Variants in CHADL observed in about 807,000 individuals in gnomAD.
The protein encoded by CHADL is chondroadherin like.
A neutral mutation model predicts 52.1 loss-of-function variants in CHADL; 48 were observed. The observed-to-expected ratio is 0.92, with a 90% CI of 0.73 to 1.17. The LOEUF (loss-of-function observed/expected upper bound fraction) is 1.17, where lower values mean the gene tolerates loss of function less well. Among genes scored for constraint, CHADL ranks in the 50% most tolerant of loss-of-function variants. The pLI, the probability that CHADL is intolerant of heterozygous loss-of-function variation, is 0.00. For synonymous variants in CHADL, 498 were observed against 511.2 expected (o/e 0.97, Z 0.35); for missense variants, 977 against 1,035.1 (o/e 0.94, Z 0.77).
rs767586587 is a variant in CHADL, at chr22:41,235,321, G to A, written c.2086C>T (p.Arg696Trp). Residue 696 changes from arginine to tryptophan, a missense_variant, in exon 5 of 6, where the codon CGG (arginine) becomes TGG (tryptophan). Physicochemically the swap from Arg to Trp is moderately radical, Grantham distance 101. Transcript: ENST00000216241. ...LHRWLTGLNL[R>W]VGATCATPPN... ...GGGGTGGCGCAGGTGGCCCCCACCC[G>A]CAGGTTCAGCCCAGTAAGCCACCTG... 2.1e-5 allele frequency: 32 copies of A among 1,550,692 alleles called. No individual in the cohort carries two copies. The highest frequency in any genetic ancestry group is 1.2e-4 in the African/African-American group (9 of 73,052).
intron 4 of CHADL, 29 bp from the exon 5 acceptor site, chr22:41,235,372 G>A: frequency 6.5e-7 from 1 of 1,539,604 alleles, no homozygotes; most frequent in Non-Finnish European, 8.8e-7. Context: ...TGGGGAGCTA[G>A]CTGTGCTGAT....
Position 41,235,184 on chromosome 22 carries a change from C to T in CHADL, c.2223G>A (p.Arg741=), listed in dbSNP as rs2032716681. The T allele has an allele frequency of 1.3e-6, 2 of 1,551,470 alleles. No individual in the cohort carries two copies. The highest frequency in any genetic ancestry group is 2.7e-5 in the African/African-American group (2 of 73,072). The change falls in exon 5 of 6, where the codon AGG becomes AGA. Residue 741 remains arginine (R), a synonymous_variant. Transcript: ENST00000216241. ...ACTGTCTTCCTTTGATGGGGGTTCT[C>T]CTGGCACTGGGCCTGGAGGCTGGTG... ...KRTPASRPSA[R]RTPIKGRQCG...
chr22:41,230,016 G>A, intron 5 of CHADL: 1 of 739,908 alleles, frequency 1.4e-6, no homozygotes, highest in Non-Finnish European at 2.3e-6. Flanking sequence ...AGGGAAGCTG[G>A]AGGGTGAAGG....
At chr22:41,236,863 A>G (rs911076019) in intron 3 of CHADL, among the ~76,000 whole-genome samples, 1 of 152,132 alleles carries the variant, frequency 6.6e-6, no homozygotes, top group Non-Finnish European at 1.5e-5. Flanking sequence ...TTCATGGTCC[A>G]CCCCACCACC....
In CHADL at chr22:41,237,927, C is replaced by T; in HGVS notation, c.1145G>A (p.Gly382Asp). 1 of 1,278,368 alleles carries T rather than the reference C, an allele frequency of 7.8e-7. No homozygotes were observed. Among genetic ancestry groups the T allele is most frequent in the South Asian group, 2.8e-5 (1 of 35,730 alleles). The allele number at this position is 1,278,368 out of a possible 1,614,324, so 79.2% of individuals were successfully genotyped here. ...AVAGPRAPPR[G>D]PPRGPGEERA... Reference sequence around the variant, plus strand: ...CTCCTCCCCGGGGCCGCGCGGAGGGCCGCGCGGAGGGGCGCGGGGCCCGGC... The same window carrying T: ...CTCCTCCCCGGGGCCGCGCGGAGGGTCGCGCGGAGGGGCGCGGGGCCCGGC... The change falls in exon 3 of 6, where the codon GGC becomes GAC. Residue 382 changes from glycine to aspartate, a missense_variant. Transcript: ENST00000216241.
At chr22:41,233,265 C>T (rs2032666979) in intron 5 of CHADL, among the ~76,000 whole-genome samples, 5 of 152,030 alleles carry the variant, frequency 3.3e-5, no homozygotes, top group Admixed American at 3.3e-4. Context: ...AGTTCGAGAC[C>T]AGCCTGACCA....
chr22:41,230,149 G>T lies in CHADL; in HGVS notation c.2263-419C>A, dbSNP rs753748411. 25 of 1,504,226 alleles carry T rather than the reference G, an allele frequency of 1.7e-5. 1 individual carries two copies. In the South Asian group the frequency reaches 2.6e-4, roughly 15 times the overall value. The allele number at this position is 1,504,226 out of a possible 1,614,324, so 93.2% of individuals were successfully genotyped here. On this transcript the variant is annotated intron_variant, in intron 5 of 5. Coordinates refer to ENST00000216241, the MANE Select transcript of CHADL (RefSeq NM_138481.2). The stretch of plus-strand genomic sequence containing the variant: ...CCCCTCCCTCTTCAGTCATTGCTGT[G>T]CGTGTGAAGGAAGAGCATCTAGACG...
At chr22:41,234,514 T>C in intron 5 of CHADL, among the ~76,000 whole-genome samples, 1 of 151,434 alleles carries the variant, frequency 6.6e-6, no homozygotes, top group Non-Finnish European at 1.5e-5. Flanking sequence ...CCCAAGTAGC[T>C]GGGATTACAG....
At chr22:41,239,728 CTCCTCCTT>C in intron 1 of CHADL, 108 bp from the exon 2 acceptor site, 3 of 1,041,844 alleles carry the variant, frequency 2.9e-6, no homozygotes, top group Non-Finnish European at 4.0e-6. Flanking sequence ...CCCTCAGAGC[CTCCTCCTT>C]TGGGCCCAGG....
At chr22:41,235,475 C>T (rs560604878) in intron 4 of CHADL, 132 bp from the exon 5 acceptor site, 11 of 697,738 alleles carry the variant, frequency 1.6e-5, no homozygotes, top group South Asian at 5.6e-5. Flanking sequence ...TGCATTCATT[C>T]GCTCAACAAG....
rs1396028438 is a variant in CHADL at position 41,238,388 on chromosome 22, C to A, written c.684G>T (p.Gln228His). The A allele has an allele frequency of 9.3e-6, 14 of 1,500,500 alleles. No individual in the cohort carries two copies. Among genetic ancestry groups the A allele is most frequent in the South Asian group, 1.3e-5 (1 of 79,080 alleles). The allele number at this position is 1,500,500 out of a possible 1,614,324, so 92.9% of individuals were successfully genotyped here. A position where few individuals can be genotyped will look rare whatever the true frequency, so the allele number is the denominator to read the frequency against. Residue 228 changes from glutamine (Q) to histidine (H), a missense_variant, in exon 3 of 6, where the codon CAG becomes CAT. By Grantham distance (24) the Gln-to-His change is conservative. Transcript: ENST00000216241. This position sits in a 1 kb window ranked among gnomAD's most constrained non-coding sequence, Gnocchi z 4.9. ...LQALPGPVLS[Q>H]ARGLARLELG... is the part of the protein sequence containing the mutation. Reference sequence around the variant, plus strand: ...GCTCCAGACGGGCCAGGCCGCGGGCCTGGGACAAGACAGGCCCGGGCAGAG... The same window carrying A: ...GCTCCAGACGGGCCAGGCCGCGGGCATGGGACAAGACAGGCCCGGGCAGAG...
At chr22:41,230,133 C>T (rs1224802650) in intron 5 of CHADL, 5 of 1,505,694 alleles carry the variant, frequency 3.3e-6, no homozygotes, top group Admixed American at 3.4e-5. Flanking sequence ...TCCCCTCCCT[C>T]TTCAGTCATT....
chr22:41,230,441 C>T (rs942865167), intron 5 of CHADL: 179 of 590,502 alleles, frequency 3.0e-4, no homozygotes, highest in African/African-American at 2.8e-3. Flanking sequence ...CTTCTGCCCT[C>T]CCCTGTGGAA....
chr22:41,238,666 A>AGCCCC lies in CHADL; in HGVS notation c.405_406insGGGGC (p.Leu136GlyfsTer30). The AGCCCC allele has an allele frequency of 1.3e-6, 2 of 1,544,824 alleles. No homozygotes were observed. The highest frequency in any genetic ancestry group is 2.4e-5 in the South Asian group (2 of 83,936). ...TTCCCCTCCAGCTCCAGCCGCCGCA[A>AGCCCC]CGAGCCCAGCCCGTCCAGCGCCTCC... On this transcript the variant is annotated frameshift_variant, in exon 3 of 6. Coordinates refer to ENST00000216241, the MANE Select transcript of CHADL (RefSeq NM_138481.2). LOFTEE classifies it high-confidence loss of function. This position sits in a 1 kb window ranked among gnomAD's most constrained non-coding sequence, Gnocchi z 4.9.
intron 1 of CHADL, 129 bp downstream of exon 1, chr22:41,240,745 G>T: frequency 8.9e-7 from 1 of 1,125,396 alleles, no homozygotes; most frequent in Non-Finnish European, 1.3e-6. Flanking sequence ...CCCCCTTCCT[G>T]GAGAACCCCA....
chr22:41,232,630 C>T (rs2032644490), intron 5 of CHADL, among the ~76,000 whole-genome samples: 1 of 152,134 alleles, frequency 6.6e-6, no homozygotes, highest in Non-Finnish European at 1.5e-5. Flanking sequence ...TCAAAATAAC[C>T]CACAATACTG....
At chr22:41,234,007 C>A (rs1301296542) in intron 5 of CHADL, among the ~76,000 whole-genome samples, 3 of 152,134 alleles carry the variant, frequency 2.0e-5, no homozygotes, top group Admixed American at 2.0e-4. Flanking sequence ...ACTGAGGGGT[C>A]AAGCTGGGAC....
At chr22:41,232,921 G>C (rs1353245984) in intron 5 of CHADL, among the ~76,000 whole-genome samples, 2 of 152,106 alleles carry the variant, frequency 1.3e-5, no homozygotes, top group African/African-American at 4.8e-5. Flanking sequence ...ATAGTTCCGG[G>C]TCTGGCTTCC....
At chr22:41,234,488 T>C (rs1315388995) in intron 5 of CHADL, among the ~76,000 whole-genome samples, 1 of 151,498 alleles carries the variant, frequency 6.6e-6, no homozygotes, top group Non-Finnish European at 1.5e-5. Context: ...TTCAAGCGAT[T>C]CTCCCACCTC....
Sources: allele counts gnomAD v4.1 joint callset (sites outside exome capture counted in the v4.1 genomes callset), GRCh38; gene constraint gnomAD v4.1.1; non-coding constraint Gnocchi (gnomAD v3.1); transcripts MANE v1.5; gene names NCBI Gene and HGNC (gene_info 2026-07-23, HGNC 2026-07-21).